PCDH15: variants seen among roughly 807,000 people sequenced by gnomAD.
PCDH15 encodes protocadherin-15.
A neutral mutation model predicts 178.5 loss-of-function variants in PCDH15; 129 were observed. The observed-to-expected ratio is 0.72, with a 90% CI of 0.63 to 0.84. The LOEUF (loss-of-function observed/expected upper bound fraction) is 0.84, where lower values mean the gene tolerates loss of function less well. PCDH15 is among the 40% of genes least tolerant of loss of function. The probability of loss-of-function intolerance (pLI) is 0.00; values close to 1 mark genes in which losing one functional copy is unlikely to be tolerated. For synonymous variants in PCDH15, 800 were observed against 732.0 expected, an observed-to-expected ratio of 1.09 and a Z score of -1.50; for missense variants, 2,230 against 2,099.9, an observed-to-expected ratio of 1.06 and a Z score of -1.21.
At chr10:55,614,498 T>C (rs941014985) in intron 2 of PCDH15, among the ~76,000 whole-genome samples, 1 of 152,178 alleles carries the variant, frequency 6.6e-6, no homozygotes, top group African/African-American at 2.4e-5. Flanking sequence ...AAAGCAAGAC[T>C]TAGAAATATT....
In PCDH15 at chr10:53,831,460, C is replaced by G. The variant is rs1196125807; in HGVS notation, c.4057G>C (p.Glu1353Gln). 1.2e-6 allele frequency: 2 copies of G among 1,614,008 alleles called. No individual in the cohort carries two copies. The highest frequency in any genetic ancestry group is 1.7e-6 in the Non-Finnish European group (2 of 1,180,030). The change falls in exon 30 of 38, where the codon GAG becomes CAG. Residue 1353 changes from glutamate (E) to glutamine (Q), a missense_variant. Coordinates refer to ENST00000644397, the MANE Select transcript of PCDH15 (RefSeq NM_001384140.1). The stretch of plus-strand genomic sequence containing the variant: ...GTCACTGCCTCTGGAGTCCGGATCT[C>G]CAGAATGCGTCCTCCTTCCCCATAA... ...PYYGEGGRIL[E>Q]IRTPEAVTSI...
intron 3 of PCDH15, among the ~76,000 whole-genome samples, chr10:54,871,024 T>G (rs774344502): frequency 2.0e-5 from 3 of 152,120 alleles, no homozygotes; most frequent in South Asian, 4.1e-4. Flanking sequence ...GCTTCTGAAG[T>G]GCTATTTTAA....
chr10:55,068,716 AAGACCTTGGATGTCTCTCC>A (rs1315493695), intron 2 of PCDH15, among the ~76,000 whole-genome samples: 1 of 151,916 alleles, frequency 6.6e-6, no homozygotes, highest in Non-Finnish European at 1.5e-5. Context: ...CTACCACTCC[AAGACCTTGGATGTCTCTCC>A]ATTTGTTTGT....
intron 1 of PCDH15, among the ~76,000 whole-genome samples, chr10:55,222,730 C>CACACATAT: frequency 9.9e-5 from 12 of 121,274 alleles, no homozygotes; most frequent in South Asian, 2.6e-4. Flanking sequence ...CACACACACA[C>CACACATAT]ATATATATAT....
chr10:53,916,602 A>G (rs902618308), intron 25 of PCDH15, among the ~76,000 whole-genome samples: 9 of 152,232 alleles, frequency 5.9e-5, no homozygotes, highest in South Asian at 2.1e-4. Context: ...AGCAGCTATT[A>G]TGATATTACA....
In PCDH15 at chr10:53,857,282, G is replaced by T. The variant is rs75248212; in HGVS notation, c.3718-19C>A. The T allele has an allele frequency of 0.025, 39,861 of 1,582,082 alleles. 600 individuals carry two copies. Among genetic ancestry groups the T allele is most frequent in the Middle Eastern group, 0.042 (253 of 5,998 alleles). ...CGGAGACCTGAAAGAAGAAAAAACA[G>T]AATTCATTTAATTTTTACTCACTGA... On this transcript the variant is annotated intron_variant, in intron 27 of 37. Coordinates refer to ENST00000644397, the MANE Select transcript of PCDH15 (RefSeq NM_001384140.1).
intron 2 of PCDH15, among the ~76,000 whole-genome samples, chr10:55,444,318 AT>A (rs932614117): frequency 4.0e-5 from 6 of 151,386 alleles, no homozygotes; most frequent in East Asian, 3.9e-4. Flanking sequence ...TGCTAGTTTT[AT>A]TTTTTTATTT....
intron 2 of PCDH15, among the ~76,000 whole-genome samples, chr10:54,634,924 T>C (rs1215840081): frequency 6.6e-6 from 1 of 151,680 alleles, no homozygotes; most frequent in Non-Finnish European, 1.5e-5. Flanking sequence ...GATAATATTA[T>C]AAAGGTGATT....
At chr10:54,613,601 T>C (rs781506046) in intron 2 of PCDH15, among the ~76,000 whole-genome samples, 4 of 151,640 alleles carry the variant, frequency 2.6e-5, no homozygotes, top group Non-Finnish European at 4.4e-5. Context: ...CTCTGACAAA[T>C]GTGGTGAAGG....
chr10:55,358,561 G>T (rs1452022881), intron 2 of PCDH15, among the ~76,000 whole-genome samples: 1 of 152,038 alleles, frequency 6.6e-6, no homozygotes, highest in South Asian at 2.1e-4. Context: ...GAGTGTAGTT[G>T]TTGTAATAAT....
chr10:54,769,662 C>T (rs1306402264), intron 1 of PCDH15, among the ~76,000 whole-genome samples: 1 of 151,932 alleles, frequency 6.6e-6, no homozygotes, highest in Admixed American at 6.6e-5. Context: ...CTAAAGGTGG[C>T]ATCAGAGCAT....
In PCDH15 at chr10:54,132,874, C is replaced by T. The variant is rs772911878; in HGVS notation, c.1917+1G>A. The T allele has an allele frequency of 6.2e-7, 1 of 1,610,496 alleles. No individual in the cohort carries two copies. Among genetic ancestry groups the T allele is most frequent in the East Asian group, 2.2e-5 (1 of 44,616 alleles). ...ACACACACACACACCAAGGAACATA[C>T]CTGTAGATTTAATAAAACAGCACCA... is the stretch of plus-strand genomic sequence containing the variant. On this transcript the variant is annotated splice_donor_variant, in intron 15 of 37. Coordinates refer to ENST00000644397, the MANE Select transcript of PCDH15 (RefSeq NM_001384140.1). LOFTEE classifies it high-confidence loss of function.
intron 13 of PCDH15, among the ~76,000 whole-genome samples, chr10:54,160,179 GC>G (rs149387076): frequency 2.6e-5 from 4 of 151,616 alleles, no homozygotes; most frequent in East Asian, 1.9e-4. Context: ...GATGATTCAT[GC>G]CCCCCCCAAC....
intron 2 of PCDH15, among the ~76,000 whole-genome samples, chr10:55,437,673 A>G (rs1427797398): frequency 6.6e-6 from 1 of 152,202 alleles, no homozygotes; most frequent in East Asian, 1.9e-4. Context: ...ATGCCATCTA[A>G]CCCTTCTCCC....
intron 2 of PCDH15, among the ~76,000 whole-genome samples, chr10:55,423,180 G>C (rs547437837): frequency 1.0e-3 from 158 of 151,726 alleles, no homozygotes; most frequent in African/African-American, 3.7e-3. Context: ...AAAAAGTTTT[G>C]CTTTATTTGT....
chr10:54,079,404 C>T lies in PCDH15; in HGVS notation c.2018G>A (p.Gly673Glu), dbSNP rs1441541001. The T allele has an allele frequency of 3.1e-6, 5 of 1,613,902 alleles. No individual in the cohort carries two copies. The highest frequency in any genetic ancestry group is 4.2e-6 in the Non-Finnish European group (5 of 1,179,968). The change falls in exon 17 of 38, where the codon GGG (glycine) becomes GAG (glutamate). Residue 673 changes from glycine to glutamate, a missense_variant. Coordinates refer to ENST00000644397, the MANE Select transcript of PCDH15 (RefSeq NM_001384140.1). ...LSETTGILTL[G>E]KALDRESTDR... ...AGTGCTTTCCCTGTCCAGTGCTTTC[C>T]CTAAGGTTAGAATCCCCGTGCTAGT...
At chr10:54,683,972 A>C (rs1264187679) in intron 1 of PCDH15, among the ~76,000 whole-genome samples, 1 of 152,056 alleles carries the variant, frequency 6.6e-6, no homozygotes. Context: ...TAAAGAAAAA[A>C]ATATAGGCTT....
intron 3 of PCDH15, among the ~76,000 whole-genome samples, chr10:54,476,017 A>G (rs1157673246): frequency 6.9e-6 from 1 of 144,896 alleles, no homozygotes; most frequent in East Asian, 2.3e-4. Flanking sequence ...ATATATATGC[A>G]TAGTGATTAC....
chr10:55,013,597 A>T (rs983881048), intron 2 of PCDH15, among the ~76,000 whole-genome samples: 20 of 152,092 alleles, frequency 1.3e-4, no homozygotes, highest in Admixed American at 8.5e-4. Context: ...GTGATCCTAT[A>T]AATAATTTCA....
Sources: allele counts gnomAD v4.1 joint callset (sites outside exome capture counted in the v4.1 genomes callset), GRCh38; gene constraint gnomAD v4.1.1; transcripts MANE v1.5; gene names NCBI Gene and HGNC (gene_info 2026-07-23, HGNC 2026-07-21).